The following CREB3L2 variants were observed in gnomAD, a reference collection of about 807,000 sequenced individuals.
The protein encoded by CREB3L2 is cAMP responsive element binding protein 3 like 2, also known as cyclic AMP-responsive element-binding protein 3-like protein 2.
In CREB3L2, 23 loss-of-function variants were observed where a neutral mutation model predicts 57.2. That is an observed-to-expected ratio of 0.40 (90% CI 0.29 to 0.57). CREB3L2 has a LOEUF of 0.57. Among genes scored for constraint, CREB3L2 ranks in the 20% least tolerant of loss-of-function variants. The probability of loss-of-function intolerance (pLI) is 0.42; values close to 1 mark genes in which losing one functional copy is unlikely to be tolerated. For synonymous variants in CREB3L2, 268 were observed against 265.1 expected (o/e 1.01, Z -0.11); for missense variants, 628 against 634.7 (o/e 0.99, Z 0.11).
chr7:137,982,497 T>C (rs769141922), intron 1 of CREB3L2, among the ~76,000 whole-genome samples: 5 of 152,078 alleles, frequency 3.3e-5, no homozygotes, highest in Non-Finnish European at 7.4e-5. Context: ...TGGGAAGTCA[T>C]TGAATCATGG....
rs368927678 is a variant in CREB3L2 at position 137,947,356 on chromosome 7, C to G, written c.103-18990G>C. Among the ~76,000 whole-genome samples the G allele has an allele frequency of 9.2e-5, 14 of 152,230 alleles. No individual in the cohort carries two copies. The East Asian group carries it at 1.9e-3, about 21-fold the overall frequency. ...AACTGGCTACATCTCTGTCCACTCC[C>G]TCACCTACACCCTCGCTTCTCTGGG... On this transcript the variant is annotated intron_variant, in intron 1 of 11. Coordinates refer to ENST00000330387, the MANE Select transcript of CREB3L2 (RefSeq NM_194071.4).
chr7:137,876,214 CTAA>C lies in CREB3L2; in HGVS notation c.*4259_*4261del, dbSNP rs1268208019. On this transcript the variant is annotated 3_prime_UTR_variant, in exon 12 of 12. Transcript: ENST00000330387. ...AATTTTTCCCCACACCCAACTCAATCTAATAATAAAAGAATATATACAAAATCT... is the reference window on the plus strand; with the variant it reads ...AATTTTTCCCCACACCCAACTCAATCTAATAAAAGAATATATACAAAATCT... The C allele has an allele frequency of 1.7e-5, 4 of 232,548 alleles. No homozygotes were observed. The highest frequency in any genetic ancestry group is 2.5e-5 in the Non-Finnish European group (3 of 117,652). 14.4% of individuals were successfully genotyped at this position (232,548 alleles called of 1,614,324 possible). A position where few individuals can be genotyped will look rare whatever the true frequency, so the allele number is the denominator to read the frequency against.
intron 1 of CREB3L2, among the ~76,000 whole-genome samples, chr7:137,941,613 C>G (rs1041678143): frequency 6.6e-6 from 1 of 152,122 alleles, no homozygotes; most frequent in Non-Finnish European, 1.5e-5. Flanking sequence ...TTCTGTTATC[C>G]CACATTGCTA....
intron 1 of CREB3L2, among the ~76,000 whole-genome samples, chr7:137,992,906 G>C (rs905841445): frequency 6.6e-6 from 1 of 152,236 alleles, no homozygotes; most frequent in Non-Finnish European, 1.5e-5. Flanking sequence ...AGCGGGCAGA[G>C]GATACAGGGT....
Position 137,879,856 on chromosome 7 carries a change from A to C in CREB3L2, c.*620T>G, listed in dbSNP as rs1306560472. ...GATGGGGCAGGTTTGCCTGGAGTAGAAAAGCCTGATCCCCTCAGGCATTGC... is the reference window on the plus strand; with the variant it reads ...GATGGGGCAGGTTTGCCTGGAGTAGCAAAGCCTGATCCCCTCAGGCATTGC... On this transcript the variant is annotated 3_prime_UTR_variant, in exon 12 of 12. Coordinates refer to ENST00000330387, the MANE Select transcript of CREB3L2 (RefSeq NM_194071.4). The C allele has an allele frequency of 4.3e-6, 1 of 234,750 alleles. No individual in the cohort carries two copies. Among genetic ancestry groups the C allele is most frequent in the Middle Eastern group, 1.2e-3 (1 of 812 alleles). 14.5% of individuals were successfully genotyped at this position (234,750 alleles called of 1,614,324 possible).
chr7:137,933,196 AAG>A (rs1281680750), intron 1 of CREB3L2, among the ~76,000 whole-genome samples: 1 of 152,226 alleles, frequency 6.6e-6, no homozygotes, highest in African/African-American at 2.4e-5. Flanking sequence ...AGTTAACAAA[AAG>A]AGAAATAAAT....
chr7:137,884,092 G>A (rs527243605), intron 10 of CREB3L2, among the ~76,000 whole-genome samples: 5 of 152,166 alleles, frequency 3.3e-5, no homozygotes, highest in South Asian at 4.2e-4. Flanking sequence ...TGCAACCTCC[G>A]CCTCCCAGGT....
intron 1 of CREB3L2, among the ~76,000 whole-genome samples, chr7:137,957,133 T>C (rs775049510): frequency 1.3e-5 from 2 of 152,116 alleles, no homozygotes; most frequent in Non-Finnish European, 2.9e-5. Context: ...ACAGCGCTCA[T>C]CACTCCTCCC....
Position 137,960,809 on chromosome 7 carries a change from C to CTTTTTTTTTTTTTT in CREB3L2, c.103-32457_103-32444dup, listed in dbSNP as rs66493086. ...TTTTAAACTTAAAACTAAATTATTT[C>CTTTTTTTTTTTTTT]TTTTTTTTTTTTTTTTTTTTTGAGA... On this transcript the variant is annotated intron_variant, in intron 1 of 11. Transcript: ENST00000330387. Among the ~76,000 whole-genome samples, 8 of 95,574 alleles carry CTTTTTTTTTTTTTT rather than the reference C, an allele frequency of 8.4e-5. 1 individual carries two copies. Among genetic ancestry groups the CTTTTTTTTTTTTTT allele is most frequent in the Admixed American group, 4.5e-4 (3 of 6,690 alleles). 62.7% of individuals were successfully genotyped at this position (95,574 alleles called of 152,430 possible).
chr7:137,974,054 T>TAA (rs11305737), intron 1 of CREB3L2, among the ~76,000 whole-genome samples: 1 of 149,360 alleles, frequency 6.7e-6, no homozygotes, highest in East Asian at 2.0e-4. Flanking sequence ...ATCTGCTCTT[T>TAA]AAAAAAAAAA....
At chr7:137,882,261 C>T (rs1799308994) in intron 11 of CREB3L2, 151 bp downstream of exon 11, 1 of 562,186 alleles carries the variant, frequency 1.8e-6, no homozygotes, top group Admixed American at 3.0e-5. Flanking sequence ...GCAACAGACT[C>T]TCTGCAGTCC....
chr7:137,875,634 T>C lies in CREB3L2; in HGVS notation c.*4842A>G, dbSNP rs374979405. 1.9e-4 allele frequency: 43 copies of C among 224,666 alleles called. No homozygotes were observed. The East Asian group carries it at 2.8e-3, about 14-fold the overall frequency. 13.9% of individuals were successfully genotyped at this position (224,666 alleles called of 1,614,324 possible). A position where few individuals can be genotyped will look rare whatever the true frequency, so the allele number is the denominator to read the frequency against. On this transcript the variant is annotated 3_prime_UTR_variant, in exon 12 of 12. Transcript: ENST00000330387. ...TGCAGGGGACAGGTGCTGTAATTCC[T>C]GCCCAGAGAACTTGAAAGCTTACAG...
In CREB3L2 at chr7:137,928,507, T is replaced by C. The variant is rs1800533705; in HGVS notation, c.103-141A>G. ...CAATGTCCAGTTAGCTCGTGCTGTG[T>C]AGCAAACCACCCCAATGTTTAGTGG... On this transcript the variant is annotated intron_variant, in intron 1 of 11. Transcript: ENST00000330387. 1.1e-5 allele frequency: 8 copies of C among 696,604 alleles called. No individual in the cohort carries two copies. The South Asian group carries it at 1.3e-4, about 11-fold the overall frequency. 43.2% of individuals were successfully genotyped at this position (696,604 alleles called of 1,614,324 possible).
chr7:137,972,728 TATATATATAGAGAGAGAGAGAG>T (rs1421544501), intron 1 of CREB3L2, among the ~76,000 whole-genome samples: 8 of 29,768 alleles, frequency 2.7e-4, no homozygotes, highest in African/African-American at 1.1e-3. Flanking sequence ...TATATATATA[TATATATATAGAGAGAGAGAGAG>T]AGAGAGAGAG....
chr7:137,975,532 G>C (rs1801591318), intron 1 of CREB3L2, among the ~76,000 whole-genome samples: 1 of 152,126 alleles, frequency 6.6e-6, no homozygotes, highest in African/African-American at 2.4e-5. Context: ...CTTTGCTTCT[G>C]TACTTCTTAA....
In CREB3L2 at chr7:137,960,809, C is replaced by CTTTTTTTT. The variant is rs66493086; in HGVS notation, c.103-32451_103-32444dup. On this transcript the variant is annotated intron_variant, in intron 1 of 11. Transcript: ENST00000330387. The stretch of plus-strand genomic sequence containing the variant: ...TTTTAAACTTAAAACTAAATTATTT[C>CTTTTTTTT]TTTTTTTTTTTTTTTTTTTTTGAGA... Among the ~76,000 whole-genome samples, 416 of 95,562 alleles carry CTTTTTTTT rather than the reference C, an allele frequency of 4.4e-3. 24 individuals are homozygous for CTTTTTTTT. The highest frequency in any genetic ancestry group is 6.1e-3 in the African/African-American group (141 of 23,182). 62.7% of individuals were successfully genotyped at this position (95,562 alleles called of 152,430 possible).
chr7:137,972,750 G>C (rs1259092892), intron 1 of CREB3L2, among the ~76,000 whole-genome samples: 18 of 65,616 alleles, frequency 2.7e-4, no homozygotes, highest in Non-Finnish European at 5.0e-4. Flanking sequence ...GAGAGAGAGA[G>C]AGAGAGAGAG....
At chr7:138,000,025 C>G (rs1384490677) in intron 1 of CREB3L2, among the ~76,000 whole-genome samples, 1 of 152,184 alleles carries the variant, frequency 6.6e-6, no homozygotes, top group Non-Finnish European at 1.5e-5. Context: ...TAGCATCTCG[C>G]ACCTTTCCCT....
At chr7:137,904,838 GAA>G (rs58779744) in intron 6 of CREB3L2, among the ~76,000 whole-genome samples, 4 of 136,920 alleles carry the variant, frequency 2.9e-5, no homozygotes, top group Admixed American at 7.5e-5. Flanking sequence ...GACTCTGTAT[GAA>G]AAAAAAAAAA....
Sources: allele counts gnomAD v4.1 joint callset (sites outside exome capture counted in the v4.1 genomes callset), GRCh38; gene constraint gnomAD v4.1.1; transcripts MANE v1.5; gene names NCBI Gene and HGNC (gene_info 2026-07-23, HGNC 2026-07-21).